CACNA1A: variants seen among roughly 807,000 people sequenced by gnomAD.
CACNA1A encodes calcium voltage-gated channel subunit alpha1 A.
Under a neutral mutation model 262.4 loss-of-function variants are expected in CACNA1A, and 57 were observed. The ratio of observed to expected loss-of-function variants is 0.22; its 90% CI spans 0.18 to 0.27. The LOEUF is 0.27. CACNA1A is among the 10% of genes least tolerant of loss of function. CACNA1A has a pLI of 1.00. For missense variants in CACNA1A, 2,526 were observed against 3,562.8 expected (o/e 0.71, Z 7.41); for synonymous variants, 1,431 against 1,419.3 (o/e 1.01, Z -0.18).
intron 3 of CACNA1A, among the ~76,000 whole-genome samples, chr19:13,427,289 TA>T (rs1179095896): frequency 2.0e-5 from 3 of 151,508 alleles, no homozygotes; most frequent in African/African-American, 2.4e-5. Context: ...CCGTCTCTAC[TA>T]AAAAAAATTA....
intron 19 of CACNA1A, among the ~76,000 whole-genome samples, chr19:13,291,536 C>T (rs1017158372): frequency 5.3e-5 from 8 of 150,836 alleles, no homozygotes; most frequent in Admixed American, 6.7e-5. Context: ...CAGTGGCTTA[C>T]GCCTGTAATC....
intron 10 of CACNA1A, among the ~76,000 whole-genome samples, chr19:13,319,348 A>G (rs910780283): frequency 6.6e-6 from 1 of 152,112 alleles, no homozygotes; most frequent in East Asian, 1.9e-4. Context: ...TCATTAGCAC[A>G]TTCATCATTT....
chr19:13,474,913 A>T (rs1978345764), intron 1 of CACNA1A, among the ~76,000 whole-genome samples: 1 of 152,210 alleles, frequency 6.6e-6, no homozygotes, highest in South Asian at 2.1e-4. Context: ...TCATAGAAAC[A>T]AGGAGGTTGA....
At chr19:13,483,033 T>C (rs1271832367) in intron 1 of CACNA1A, among the ~76,000 whole-genome samples, 2 of 152,166 alleles carry the variant, frequency 1.3e-5, no homozygotes, top group Non-Finnish European at 2.9e-5. Context: ...TCTTGGTCTG[T>C]GTCTTCCGTT....
chr19:13,428,843 TC>T (rs1296985878), intron 3 of CACNA1A, among the ~76,000 whole-genome samples: 1 of 151,870 alleles, frequency 6.6e-6, no homozygotes, highest in Non-Finnish European at 1.5e-5. Context: ...TACCATATGT[TC>T]CCCCTGCTTC....
chr19:13,291,809 T>TA (rs1038279486), intron 19 of CACNA1A, among the ~76,000 whole-genome samples: 3 of 151,402 alleles, frequency 2.0e-5, no homozygotes, highest in Admixed American at 6.6e-5. Context: ...TGTTTTTTTT[T>TA]AAAAAAACCA....
chr19:13,219,294 G>A (rs1217664604), intron 38 of CACNA1A, among the ~76,000 whole-genome samples: 1 of 151,604 alleles, frequency 6.6e-6, no homozygotes, highest in Non-Finnish European at 1.5e-5. Context: ...TGCCTACCTC[G>A]CCCTCCCAAA....
At chr19:13,332,779 G>C in intron 9 of CACNA1A, 90 bp downstream of exon 9, 1 of 787,150 alleles carries the variant, frequency 1.3e-6, no homozygotes, top group South Asian at 1.6e-5. Flanking sequence ...AAGATCCTTA[G>C]AACCAGTCAC....
rs2054857391 is a variant in CACNA1A, at chr19:13,212,647, C to G, written c.6034G>C (p.Asp2012His). Residue 2012 changes from aspartate to histidine, a missense_variant, in exon 41 of 47, where the codon GAC (aspartate) becomes CAC (histidine). This residue lies in a region of CACNA1A where 929 missense variants were observed against 868.1 expected (regional missense o/e 1.07). Transcript: ENST00000360228. The surrounding 1 kb of genome is among the most constrained non-coding windows in gnomAD (Gnocchi z 5.6). Reference protein sequence around the residue: ...GQNALPSTQLDPGGALMAHES... With the variant: ...GQNALPSTQLHPGGALMAHES... ...GACACTCACAGGGCTCCTCCTGGGT[C>G]CAGCTGGGTGGAGGGGAGGGCGTTC... 6.6e-7 allele frequency: 1 copy of G among 1,518,192 alleles called. No individual in the cohort carries two copies. The highest frequency in any genetic ancestry group is 2.1e-5 in the Admixed American group (1 of 47,608). The allele number at this position is 1,518,192 out of a possible 1,614,324, so 94.0% of individuals were successfully genotyped here.
intron 3 of CACNA1A, among the ~76,000 whole-genome samples, chr19:13,391,740 G>A (rs1356240457): frequency 6.6e-6 from 1 of 151,782 alleles, no homozygotes; most frequent in Non-Finnish European, 1.5e-5. Flanking sequence ...TACCAAAAAT[G>A]AAGAAATTAG....
chr19:13,415,243 G>C lies in CACNA1A; in HGVS notation c.539+37633C>G, dbSNP rs2060200216. On this transcript the variant is annotated intron_variant, in intron 3 of 46. Transcript: ENST00000360228. ...GCGGGTGTGTGTGCGGCGCGGAATA[G>C]AGGCAGGTGGTGCCGACAAGGAAAC... Among the ~76,000 whole-genome samples the C allele has an allele frequency of 2.0e-5, 3 of 152,032 alleles. No individual in the cohort carries two copies. The South Asian group carries it at 6.2e-4, about 32-fold the overall frequency.
chr19:13,494,424 T>C (rs1981257026), intron 1 of CACNA1A, among the ~76,000 whole-genome samples: 2 of 152,040 alleles, frequency 1.3e-5, no homozygotes, highest in South Asian at 4.2e-4. Context: ...GCAGAGGAAA[T>C]AGCTTATGCT....
intron 3 of CACNA1A, among the ~76,000 whole-genome samples, chr19:13,443,284 C>G (rs916134337): frequency 3.9e-5 from 6 of 152,106 alleles, no homozygotes; most frequent in African/African-American, 1.4e-4. Flanking sequence ...CTCAGTTGCT[C>G]CATCTGTAAA....
chr19:13,270,242 G>A (rs1482033632), intron 24 of CACNA1A, among the ~76,000 whole-genome samples: 2 of 152,146 alleles, frequency 1.3e-5, no homozygotes, highest in Non-Finnish European at 2.9e-5. Flanking sequence ...TAAAGGACTT[G>A]CACATCTAGA....
chr19:13,262,476 C>T (rs184867118), intron 25 of CACNA1A: 20 of 413,444 alleles, frequency 4.8e-5, no homozygotes, highest in South Asian at 1.5e-4. Flanking sequence ...TGCCTTCATG[C>T]GAATTAGGAA....
chr19:13,335,961 G>C, intron 6 of CACNA1A, 52 bp from the exon 7 acceptor site: 1 of 1,053,338 alleles, frequency 9.5e-7, no homozygotes, highest in Non-Finnish European at 1.4e-6. Context: ...GACTCAGATA[G>C]AACCTGACAG....
rs16054 is a variant in CACNA1A, at chr19:13,207,858, CCTGCTGCTGCTGCTGCTGCTGCTGCTG to C, written c.6949_6975del (p.Gln2317_Gln2325del). ...GCCGCCCGGCCCGGCCTGGCCACCG[CCTGCTGCTGCTGCTGCTGCTGCTGCTG>C]CTGCTGCTGCTGCGGGGGCCCCGAG... On this transcript the variant is annotated inframe_deletion, in exon 47 of 47. Transcript: ENST00000360228. This position sits in a 1 kb window ranked among gnomAD's most constrained non-coding sequence, Gnocchi z 5.7. The C allele has an allele frequency of 7.1e-3, 10,196 of 1,431,364 alleles. 69 individuals carry two copies. Among genetic ancestry groups the C allele is most frequent in the Admixed American group, 0.014 (564 of 39,026 alleles). 88.7% of individuals were successfully genotyped at this position (1,431,364 alleles called of 1,614,324 possible).
intron 3 of CACNA1A, among the ~76,000 whole-genome samples, chr19:13,403,794 A>C (rs2059952870): frequency 6.6e-6 from 1 of 151,058 alleles, no homozygotes; most frequent in South Asian, 2.1e-4. Flanking sequence ...CAAACAAACA[A>C]AAAAAAACTT....
chr19:13,444,393 A>G (rs1432941220), intron 3 of CACNA1A, among the ~76,000 whole-genome samples: 2 of 152,220 alleles, frequency 1.3e-5, no homozygotes, highest in African/African-American at 4.8e-5. Context: ...AACTAAGAGC[A>G]GGTGCATGGG....
Sources: gnomAD v4.1 joint callset for allele counts (sites outside exome capture counted in the v4.1 genomes callset) on GRCh38, gnomAD v4.1.1 for gene constraint, gnomAD v4.1.1 regional missense constraint, Gnocchi (gnomAD v3.1) non-coding constraint, MANE v1.5 for transcripts, NCBI Gene and HGNC (gene_info 2026-07-23, HGNC 2026-07-21) for gene names.